RGS10: variants seen among roughly 807,000 people sequenced by gnomAD.
The protein encoded by RGS10 is regulator of G protein signaling 10.
Under a neutral mutation model 23.5 loss-of-function variants are expected in RGS10, and 11 were observed. The ratio of observed to expected loss-of-function variants is 0.47; its 90% CI spans 0.29 to 0.77. The LOEUF is 0.77. Among genes scored for constraint, RGS10 ranks in the 30% least tolerant of loss-of-function variants. The pLI, the probability that RGS10 is intolerant of heterozygous loss-of-function variation, is 0.08. For missense variants in RGS10, 180 were observed against 226.3 expected, an observed-to-expected ratio of 0.80 and a Z score of 1.31; for synonymous variants, 77 against 83.2, an observed-to-expected ratio of 0.92 and a Z score of 0.41.
At chr10:119,515,396 G>T in intron 4 of RGS10, 113 bp downstream of exon 4, 1 of 1,306,056 alleles carries the variant, frequency 7.7e-7, no homozygotes, top group Non-Finnish European at 1.1e-6. Flanking sequence ...GGTCTGCCCG[G>T]CCGTATGAGA....
Position 119,538,267 on chromosome 10 carries a change from G to T in RGS10, c.49+4323C>A, listed in dbSNP as rs149859079. On this transcript the variant is annotated intron_variant, in intron 1 of 4. Transcript: ENST00000369103. The surrounding 1 kb of genome is among the most constrained non-coding windows in gnomAD (Gnocchi z 4.5). ...GCTAAATGGTTGTTGTGTTTAGGTG[G>T]CCGTGGACTTGGGTCCAAGACTTGA... is the stretch of plus-strand genomic sequence containing the variant. 1.3e-3 allele frequency among the ~76,000 whole-genome samples: 204 copies of T among 152,316 alleles called. No homozygotes were observed. The highest frequency in any genetic ancestry group is 4.6e-3 in the African/African-American group (191 of 41,578).
At chr10:119,531,949 C>G (rs1844332906) in intron 1 of RGS10, among the ~76,000 whole-genome samples, 1 of 152,108 alleles carries the variant, frequency 6.6e-6, no homozygotes, top group South Asian at 2.1e-4. Flanking sequence ...GAAAGTATGC[C>G]AAGATGGAGC....
chr10:119,510,250 G>A (rs1844062194), intron 4 of RGS10, among the ~76,000 whole-genome samples: 2 of 152,098 alleles, frequency 1.3e-5, no homozygotes, highest in African/African-American at 2.4e-5. Flanking sequence ...CCACAGCCTC[G>A]GGGCCTGACC....
intron 4 of RGS10, among the ~76,000 whole-genome samples, chr10:119,505,306 G>A (rs1843997028): frequency 6.7e-6 from 1 of 148,686 alleles, no homozygotes. Flanking sequence ...GTTGGCGGCT[G>A]AGCTGCATTC....
chr10:119,510,099 C>T lies in RGS10; in HGVS notation c.399+5410G>A, dbSNP rs72839286. On this transcript the variant is annotated intron_variant, in intron 4 of 4. Transcript: ENST00000369103. ...CACCAAGCCATCCGCCTTCTCTTGCCCAACTGGTATGGGACGGGCACAGCC... is the reference window on the plus strand; with the variant it reads ...CACCAAGCCATCCGCCTTCTCTTGCTCAACTGGTATGGGACGGGCACAGCC... 7.1e-3 allele frequency among the ~76,000 whole-genome samples: 1,079 copies of T among 152,256 alleles called. 3 individuals carry two copies. The highest frequency in any genetic ancestry group is 0.012 in the Non-Finnish European group (848 of 67,996).
At chr10:119,516,920 A>C (rs1337789510) in intron 3 of RGS10, among the ~76,000 whole-genome samples, 1 of 152,204 alleles carries the variant, frequency 6.6e-6, no homozygotes, top group African/African-American at 2.4e-5. Context: ...GTTTCTCTGA[A>C]CGTTAGAGTC....
intron 3 of RGS10, among the ~76,000 whole-genome samples, chr10:119,520,335 G>C (rs935279661): frequency 5.9e-5 from 9 of 152,210 alleles, no homozygotes; most frequent in African/African-American, 1.9e-4. Flanking sequence ...CTGAACAGGT[G>C]GGGAGGGGGT....
chr10:119,519,359 G>A (rs1844183644), intron 3 of RGS10, among the ~76,000 whole-genome samples: 1 of 105,070 alleles, frequency 9.5e-6, no homozygotes, highest in Non-Finnish European at 1.7e-5. Context: ...CCCTGTATCT[G>A]TCCCCCAGCT....
At position 119,500,209 on chromosome 10, in the gene RGS10, G is replaced by A; in HGVS notation, c.450C>T (p.Asp150=). 1.2e-6 allele frequency: 2 copies of A among 1,613,964 alleles called. No individual in the cohort carries two copies. ...CGGTTCGCTTGTGTTTTAAAAACAA[G>A]TCAGACTTTAAGAAGCGGCTGTAGC... ...YDSYSRFLKS[D]LFLKHKRTEE... is the part of the protein sequence containing the mutation. The change falls in exon 5 of 5, where the codon GAC becomes GAT. Residue 150 remains aspartate, a synonymous_variant. Coordinates refer to ENST00000369103, the MANE Select transcript of RGS10 (RefSeq NM_001005339.2).
At chr10:119,539,683 G>A (rs1672061129) in intron 1 of RGS10, among the ~76,000 whole-genome samples, 1 of 152,128 alleles carries the variant, frequency 6.6e-6, no homozygotes, top group Non-Finnish European at 1.5e-5. Flanking sequence ...CCCACAGGAC[G>A]GGTGGAACAC....
intron 4 of RGS10, among the ~76,000 whole-genome samples, chr10:119,503,570 C>G (rs894261230): frequency 6.6e-6 from 1 of 152,112 alleles, no homozygotes; most frequent in Non-Finnish European, 1.5e-5. Context: ...TCCAGCCCTG[C>G]GCTGGGCAGC....
At chr10:119,530,155 A>G (rs1192212630) in intron 1 of RGS10, among the ~76,000 whole-genome samples, 1 of 152,212 alleles carries the variant, frequency 6.6e-6, no homozygotes, top group East Asian at 1.9e-4. Flanking sequence ...TTTTTTAAAT[A>G]AAGTCTCATA....
chr10:119,536,537 T>C, intron 1 of RGS10: 3 of 1,596,794 alleles, frequency 1.9e-6, no homozygotes, highest in South Asian at 1.1e-5. Flanking sequence ...AGACGCCTTG[T>C]GTGAGAAAGG....
In RGS10 at chr10:119,500,186, G is replaced by T; in HGVS notation, c.473C>A (p.Thr158Asn). ...KSDLFLKHKR[T>N]EEEEEDLPDA... is the part of the protein sequence containing the mutation. ...AGGCAAATCTTCTTCCTCTTCCTCGGTTCGCTTGTGTTTTAAAAACAAGTC... is the reference window on the plus strand; with the variant it reads ...AGGCAAATCTTCTTCCTCTTCCTCGTTTCGCTTGTGTTTTAAAAACAAGTC... Residue 158 changes from threonine to asparagine, a missense_variant, in exon 5 of 5, where the codon ACC (threonine) becomes AAC (asparagine). Thr to Asn is a moderately conservative substitution (Grantham distance 65). Transcript: ENST00000369103. 6.2e-7 allele frequency: 1 copy of T among 1,613,942 alleles called. No individual in the cohort carries two copies. The highest frequency in any genetic ancestry group is 8.5e-7 in the Non-Finnish European group (1 of 1,179,976).
At position 119,538,974 on chromosome 10, in the gene RGS10, A is replaced by G. The variant is rs1186537295; in HGVS notation, c.49+3616T>C. On this transcript the variant is annotated intron_variant, in intron 1 of 4. Transcript: ENST00000369103. This position sits in a 1 kb window ranked among gnomAD's most constrained non-coding sequence, Gnocchi z 4.5. ...GCCCTAGGAAATGGCCATGCCAGGCATCTACATTTTCTAACCATGAAGAAA... is the reference window on the plus strand; with the variant it reads ...GCCCTAGGAAATGGCCATGCCAGGCGTCTACATTTTCTAACCATGAAGAAA... 6.6e-6 allele frequency among the ~76,000 whole-genome samples: 1 copy of G among 152,198 alleles called. No individual in the cohort carries two copies. Among genetic ancestry groups the G allele is most frequent in the South Asian group, 2.1e-4 (1 of 4,832 alleles).
rs1589831330 is a variant in RGS10, at chr10:119,501,432, A to G, written c.400-1173T>C. ...ACATACACTATTTTGTAAATTAAAC[A>G]TCTGAGGGTGCTGGGGGCGGTGGCT... On this transcript the variant is annotated intron_variant, in intron 4 of 4. Coordinates refer to ENST00000369103, the MANE Select transcript of RGS10 (RefSeq NM_001005339.2). 2.6e-5 allele frequency among the ~76,000 whole-genome samples: 4 copies of G among 152,228 alleles called. No individual in the cohort carries two copies. In the East Asian group the frequency reaches 5.8e-4, roughly 22 times the overall value.
At chr10:119,512,091 G>A (rs942003882) in intron 4 of RGS10, among the ~76,000 whole-genome samples, 19 of 152,290 alleles carry the variant, frequency 1.2e-4, no homozygotes, top group Admixed American at 4.6e-4. Flanking sequence ...CAAAGTCAGA[G>A]CTGCCCTACT....
intron 1 of RGS10, among the ~76,000 whole-genome samples, chr10:119,530,406 C>T (rs1206323689): frequency 2.6e-5 from 4 of 152,132 alleles, no homozygotes; most frequent in Non-Finnish European, 5.9e-5. Context: ...AGAACCAGGC[C>T]AGCTGGGCAC....
At chr10:119,520,732 G>A (rs750508498) in intron 3 of RGS10, among the ~76,000 whole-genome samples, 6 of 151,276 alleles carry the variant, frequency 4.0e-5, no homozygotes, top group Non-Finnish European at 8.8e-5. Flanking sequence ...GAGACTAGAG[G>A]GCCCTTGTCT....
Sources: allele counts gnomAD v4.1 joint callset (sites outside exome capture counted in the v4.1 genomes callset), GRCh38; gene constraint gnomAD v4.1.1; non-coding constraint Gnocchi (gnomAD v3.1); transcripts MANE v1.5; gene names NCBI Gene and HGNC (gene_info 2026-07-23, HGNC 2026-07-21).